The following BAZ2A variants were observed in gnomAD, a reference collection of about 807,000 sequenced individuals.
BAZ2A encodes the protein bromodomain adjacent to zinc finger domain 2A.
A neutral mutation model predicts 199.9 loss-of-function variants in BAZ2A; 34 were observed. The observed-to-expected ratio is 0.17, with a 90% CI of 0.13 to 0.23. The LOEUF (loss-of-function observed/expected upper bound fraction) is 0.23, where lower values mean the gene tolerates loss of function less well. Ranked by LOEUF, BAZ2A falls within the 10% of genes least tolerant of loss-of-function variation. The pLI, the probability that BAZ2A is intolerant of heterozygous loss-of-function variation, is 1.00. For missense variants in BAZ2A, 2,002 were observed against 2,391.1 expected (o/e 0.84, Z 3.39); for synonymous variants, 857 against 883.9 (o/e 0.97, Z 0.54).
chr12:56,603,453 G>A, intron 17 of BAZ2A, 35 bp from the exon 18 acceptor site: 1 of 1,613,860 alleles, frequency 6.2e-7, no homozygotes, highest in Middle Eastern at 1.6e-4. Context: ...TGAAAAAGGA[G>A]GTTATCAGAT....
chr12:56,624,198 C>T (rs1002714012), intron 1 of BAZ2A, among the ~76,000 whole-genome samples: 5 of 152,126 alleles, frequency 3.3e-5, no homozygotes, highest in South Asian at 2.1e-4. Context: ...AACTCTGACT[C>T]GGACAAACTA....
intron 1 of BAZ2A, among the ~76,000 whole-genome samples, chr12:56,620,742 G>T (rs1950894636): frequency 2.6e-5 from 4 of 151,974 alleles, no homozygotes; most frequent in African/African-American, 9.7e-5. Context: ...TATCTTTTTA[G>T]TAGAGACGGG....
At chr12:56,612,345 T>A (rs1327636624) in intron 5 of BAZ2A, 99 bp from the exon 6 acceptor site, 7 of 1,055,900 alleles carry the variant, frequency 6.6e-6, no homozygotes, top group Non-Finnish European at 9.4e-6. Context: ...CTAAACAGGG[T>A]TACTTCAAGG....
chr12:56,602,903 T>G, intron 18 of BAZ2A, 46 bp from the exon 19 acceptor site: 1 of 1,562,084 alleles, frequency 6.4e-7, no homozygotes. Flanking sequence ...ATTTCCAGAG[T>G]GACAGTGGTG....
At chr12:56,624,884 C>G (rs984982380) in intron 1 of BAZ2A, among the ~76,000 whole-genome samples, 20 of 151,986 alleles carry the variant, frequency 1.3e-4, no homozygotes, top group Non-Finnish European at 2.4e-4. Context: ...ATCACACCAC[C>G]GTTTTCAACC....
rs780482152 is a variant in BAZ2A, at chr12:56,601,678, G to C, written c.3939C>G (p.Ser1313=). 15 of 1,613,874 alleles carry C rather than the reference G, an allele frequency of 9.3e-6. No homozygotes were observed. The African/African-American group carries it at 2.0e-4, about 22-fold the overall frequency. Residue 1313 remains serine, a synonymous_variant, in exon 20 of 29, where the codon TCC becomes TCG. Transcript: ENST00000549884. ...PEEPEPDEAE[S]SPDPQALWFN... is the part of the protein sequence containing the mutation. ...ACCAGAGTGCTTGAGGATCAGGGCT[G>C]GATTCTGCCTCATCAGGCTCTGGCT...
At chr12:56,610,040 C>G in intron 9 of BAZ2A, 74 bp downstream of exon 9, 1 of 1,602,250 alleles carries the variant, frequency 6.2e-7, no homozygotes, top group Non-Finnish European at 8.5e-7. Flanking sequence ...CTTCAAACCC[C>G]ACGAGAGGAA....
Position 56,601,692 on chromosome 12 carries a change from C to T in BAZ2A, c.3925G>A (p.Asp1309Asn). Residue 1309 changes from aspartate (D) to asparagine (N), a missense_variant, in exon 20 of 29, where the codon GAT becomes AAT. Coordinates refer to ENST00000549884, the MANE Select transcript of BAZ2A (RefSeq NM_001300905.2). ...GGATCAGGGCTGGATTCTGCCTCATCAGGCTCTGGCTCCTCCGGGGGTTGT... is the reference window on the plus strand; with the variant it reads ...GGATCAGGGCTGGATTCTGCCTCATTAGGCTCTGGCTCCTCCGGGGGTTGT... Reference protein sequence around the residue: ...PSQPPEEPEPDEAESSPDPQA... With the variant: ...PSQPPEEPEPNEAESSPDPQA... 3 of 1,613,838 alleles carry T rather than the reference C, an allele frequency of 1.9e-6. No homozygotes were observed. In the East Asian group the frequency reaches 6.7e-5, roughly 36 times the overall value.
chr12:56,636,233 C>T, exon 1 of BAZ2A: 1 of 1,579,878 alleles, frequency 6.3e-7, no homozygotes, highest in Non-Finnish European at 8.6e-7. Flanking sequence ...TCCTCACTGT[C>T]CTTGGGCCTC....
chr12:56,605,368 A>AC (rs766431283), intron 13 of BAZ2A, 41 bp from the exon 14 acceptor site: 1 of 1,532,596 alleles, frequency 6.5e-7, no homozygotes, highest in African/African-American at 1.4e-5. Flanking sequence ...GTTAAACATA[A>AC]CAGAAGATGA....
At chr12:56,636,287 C>T in exon 1 of BAZ2A, 1 of 1,534,132 alleles carries the variant, frequency 6.5e-7, no homozygotes, top group Non-Finnish European at 8.8e-7. Context: ...AAACTGTGAG[C>T]TGGGAACTAG....
intron 4 of BAZ2A, 124 bp from the exon 5 acceptor site, chr12:56,613,357 A>G: frequency 3.0e-6 from 3 of 989,044 alleles, no homozygotes; most frequent in Non-Finnish European, 4.6e-6. Context: ...TCTTCCTAAT[A>G]TTAAGTTAGG....
At chr12:56,628,011 G>C (rs1230834939) in intron 1 of BAZ2A, among the ~76,000 whole-genome samples, 1 of 150,682 alleles carries the variant, frequency 6.6e-6, no homozygotes, top group Non-Finnish European at 1.5e-5. Context: ...ATGAAACGCC[G>C]TCTCTACTAA....
At position 56,602,196 on chromosome 12, in the gene BAZ2A, TAA is replaced by T; in HGVS notation, c.3425-6_3425-5del. ...TTCTTTATCACCTCCTCAGGAACTG[TAA>T]AGAGAAGTAAAGAGTTAAGCCATAT... is the stretch of plus-strand genomic sequence containing the variant. On this transcript the variant is annotated splice_polypyrimidine_tract_variant and splice_region_variant and intron_variant, in intron 19 of 28. Transcript: ENST00000549884. 6.4e-7 allele frequency: 1 copy of T among 1,558,606 alleles called. No homozygotes were observed. The highest frequency in any genetic ancestry group is 8.7e-7 in the Non-Finnish European group (1 of 1,147,606).
intron 4 of BAZ2A, 52 bp from the exon 5 acceptor site, chr12:56,613,285 A>T: frequency 1.3e-6 from 2 of 1,560,372 alleles, no homozygotes; most frequent in South Asian, 2.2e-5. Flanking sequence ...AAAAATCAGA[A>T]AGCAAGATTT....
chr12:56,630,022 G>A (rs1018815038), intron 1 of BAZ2A, 103 bp downstream of exon 1: 59 of 848,008 alleles, frequency 7.0e-5, no homozygotes, highest in Non-Finnish European at 8.1e-5. Context: ...TTCCCGCCCC[G>A]GCAAGGCTCA....
intron 1 of BAZ2A, among the ~76,000 whole-genome samples, chr12:56,622,403 G>A (rs189443023): frequency 1.4e-4 from 21 of 152,090 alleles, no homozygotes; most frequent in African/African-American, 4.3e-4. Flanking sequence ...TTAAAACTAG[G>A]GATGATCCAG....
rs1885865556 is a variant in BAZ2A at position 56,596,640 on chromosome 12, A to ATG, written c.*1977_*1978insCA. 6.6e-6 allele frequency: 1 copy of ATG among 152,608 alleles called. No individual in the cohort carries two copies. Among genetic ancestry groups the ATG allele is most frequent in the Non-Finnish European group, 1.5e-5 (1 of 68,032 alleles). The allele number at this position is 152,608 out of a possible 1,614,324, so 9.5% of individuals were successfully genotyped here. ...GAAAATTGCCAGGGGGAAAAAGCAG[A>ATG]GCCCCCAACTCTAACAGTTTCAACT... On this transcript the variant is annotated 3_prime_UTR_variant, in exon 29 of 29. Transcript: ENST00000549884.
chr12:56,605,825 A>G lies in BAZ2A; in HGVS notation c.2493+5T>C, dbSNP rs759857408. The G allele has an allele frequency of 9.3e-6, 15 of 1,605,136 alleles. No individual in the cohort carries two copies. Among genetic ancestry groups the G allele is most frequent in the Admixed American group, 1.7e-5 (1 of 58,810 alleles). On this transcript the variant is annotated splice_donor_5th_base_variant and intron_variant, in intron 13 of 28. Transcript: ENST00000549884. ...ACCCAGGAACTGTTACTCTCTCCTC[A>G]CTACCTGGTGGTCAGTCAGACACAT...
Sources: allele counts gnomAD v4.1 joint callset (sites outside exome capture counted in the v4.1 genomes callset), GRCh38; gene constraint gnomAD v4.1.1; transcripts MANE v1.5; gene names NCBI Gene and HGNC (gene_info 2026-07-23, HGNC 2026-07-21).